Variants in SNTG1 observed in about 807,000 individuals in gnomAD.
SNTG1 encodes the protein gamma-1-syntrophin.
Under a neutral mutation model 74.7 loss-of-function variants are expected in SNTG1, and 39 were observed. The ratio of observed to expected loss-of-function variants is 0.52; its 90% CI spans 0.40 to 0.68. SNTG1 has a LOEUF of 0.68. SNTG1 is among the 30% of genes least tolerant of loss of function. The pLI, the probability that SNTG1 is intolerant of heterozygous loss-of-function variation, is 0.00. For missense variants in SNTG1, 685 were observed against 609.5 expected, an observed-to-expected ratio of 1.12 and a Z score of -1.30; for synonymous variants, 254 against 217.1, an observed-to-expected ratio of 1.17 and a Z score of -1.49.
At chr8:50,208,993 T>A (rs2084380978) in intron 2 of SNTG1, among the ~76,000 whole-genome samples, 1 of 152,100 alleles carries the variant, frequency 6.6e-6, no homozygotes, top group Non-Finnish European at 1.5e-5. Context: ...CAAGGGAAGC[T>A]GTGACAGATG....
chr8:50,610,552 C>G (rs1313489134), intron 13 of SNTG1, among the ~76,000 whole-genome samples: 1 of 152,192 alleles, frequency 6.6e-6, no homozygotes, highest in African/African-American at 2.4e-5. Context: ...AGCATCACAA[C>G]TGCACTGTAC....
At chr8:50,422,794 C>T (rs2093110213) in intron 4 of SNTG1, among the ~76,000 whole-genome samples, 1 of 152,158 alleles carries the variant, frequency 6.6e-6, no homozygotes, top group South Asian at 2.1e-4. Context: ...GCAGGAATGG[C>T]TAGCAGTTGT....
intron 12 of SNTG1, among the ~76,000 whole-genome samples, chr8:50,578,945 G>A (rs748086045): frequency 6.6e-6 from 1 of 152,176 alleles, no homozygotes; most frequent in East Asian, 1.9e-4. Flanking sequence ...AAATGTGGAA[G>A]TGACTTGGGA....
chr8:50,252,239 A>C (rs998643632), intron 2 of SNTG1, among the ~76,000 whole-genome samples: 2 of 152,150 alleles, frequency 1.3e-5, no homozygotes, highest in African/African-American at 2.4e-5. Context: ...ATAGCAATAA[A>C]CATCTACATC....
At chr8:50,656,141 C>CT (rs2095178995) in intron 13 of SNTG1, among the ~76,000 whole-genome samples, 1 of 152,014 alleles carries the variant, frequency 6.6e-6, no homozygotes, top group African/African-American at 2.4e-5. Flanking sequence ...TATCCTCCCG[C>CT]ACAGAGTTGT....
At chr8:50,141,935 C>T (rs1028732679) in intron 1 of SNTG1, among the ~76,000 whole-genome samples, 4 of 152,044 alleles carry the variant, frequency 2.6e-5, no homozygotes, top group African/African-American at 9.7e-5. Context: ...TCATCCTTTA[C>T]AATGGCATAT....
At chr8:50,386,378 A>G (rs1238270421) in intron 2 of SNTG1, among the ~76,000 whole-genome samples, 1 of 151,854 alleles carries the variant, frequency 6.6e-6, no homozygotes, top group African/African-American at 2.4e-5. Flanking sequence ...CCCTTCTTTA[A>G]TTCATATTTA....
At chr8:50,413,728 C>T (rs1474282093) in intron 4 of SNTG1, among the ~76,000 whole-genome samples, 1 of 152,136 alleles carries the variant, frequency 6.6e-6, no homozygotes, top group Non-Finnish European at 1.5e-5. Context: ...TCCCTGGATT[C>T]TCCATTTTCT....
At chr8:50,354,016 CCTATCTAGA>C (rs1268252976) in intron 2 of SNTG1, among the ~76,000 whole-genome samples, 24 of 152,134 alleles carry the variant, frequency 1.6e-4, no homozygotes, top group Non-Finnish European at 3.5e-4. Context: ...AGGGAGTTTC[CCTATCTAGA>C]AAGGGCAGAC....
chr8:50,309,572 G>C (rs2090030400), intron 2 of SNTG1, among the ~76,000 whole-genome samples: 4 of 152,106 alleles, frequency 2.6e-5, no homozygotes, highest in Admixed American at 2.6e-4. Flanking sequence ...ATTAATTTAG[G>C]GCAAATTGAT....
chr8:50,285,565 CT>C (rs2130488107), intron 2 of SNTG1, among the ~76,000 whole-genome samples: 1 of 152,206 alleles, frequency 6.6e-6, no homozygotes, highest in Non-Finnish European at 1.5e-5. Flanking sequence ...TGAAAGTAAG[CT>C]GCATATATCA....
At chr8:50,063,233 A>G (rs1187358511) in intron 1 of SNTG1, among the ~76,000 whole-genome samples, 5 of 152,254 alleles carry the variant, frequency 3.3e-5, no homozygotes, top group African/African-American at 1.2e-4. Flanking sequence ...AGAAGTTGGA[A>G]CACAATAACA....
Position 50,150,099 on chromosome 8 carries a change from G to A in SNTG1, c.-102-22462G>A, listed in dbSNP as rs565184769. ...AGTGGTTTGTAGTTCTCCTTGAAGA[G>A]GTCCTTCACATCCCTTGTAAGTTGG... On this transcript the variant is annotated intron_variant, in intron 1 of 18. Coordinates refer to ENST00000642720, the MANE Select transcript of SNTG1 (RefSeq NM_018967.5). Among the ~76,000 whole-genome samples, 15 of 152,160 alleles carry A rather than the reference G, an allele frequency of 9.9e-5. No homozygotes were observed. The South Asian group carries it at 3.1e-3, about 32-fold the overall frequency.
At chr8:49,943,478 G>A (rs1808881167) in intron 1 of SNTG1, among the ~76,000 whole-genome samples, 1 of 152,222 alleles carries the variant, frequency 6.6e-6, no homozygotes, top group South Asian at 2.1e-4. Flanking sequence ...AGAACAAAGA[G>A]GAACAGAATA....
intron 2 of SNTG1, among the ~76,000 whole-genome samples, chr8:50,207,042 C>G (rs562136948): frequency 1.3e-5 from 2 of 152,196 alleles, no homozygotes; most frequent in East Asian, 3.9e-4. Context: ...TTTGTTGTGT[C>G]TCTGCCAGCC....
At chr8:50,511,117 C>T (rs2094069027) in intron 9 of SNTG1, among the ~76,000 whole-genome samples, 1 of 152,188 alleles carries the variant, frequency 6.6e-6, no homozygotes, top group Non-Finnish European at 1.5e-5. Context: ...CATGTTGTGT[C>T]TTTCTTCTCA....
intron 2 of SNTG1, among the ~76,000 whole-genome samples, chr8:50,245,181 A>T (rs1434214449): frequency 6.6e-6 from 1 of 152,188 alleles, no homozygotes; most frequent in Non-Finnish European, 1.5e-5. Flanking sequence ...AGAAGTTAAC[A>T]GACTAAATGA....
intron 1 of SNTG1, among the ~76,000 whole-genome samples, chr8:49,977,876 C>G (rs565515991): frequency 2.0e-5 from 3 of 152,334 alleles, no homozygotes; most frequent in African/African-American, 7.2e-5. Context: ...ACCACAAACA[C>G]TGCTTGGGCG....
In SNTG1 at chr8:50,656,947, C is replaced by T. The variant is rs779227339; in HGVS notation, c.888C>T (p.Asp296=). The part of the protein sequence containing the change: ...YMGWCEAREQ[D]PLQDRVYSPT... ...GCTGGTGTGAAGCCCGGGAGCAAGA[C>T]CCCCTCCAGGACAGAGTGTACTCCC... is the stretch of plus-strand genomic sequence containing the variant. Residue 296 remains aspartate (D), a synonymous_variant, in exon 14 of 19, where the codon GAC becomes GAT. Transcript: ENST00000642720. 3 of 1,604,062 alleles carry T rather than the reference C, an allele frequency of 1.9e-6. No individual in the cohort carries two copies. The South Asian group carries it at 3.3e-5, about 18-fold the overall frequency.
Sources: allele counts gnomAD v4.1 joint callset (sites outside exome capture counted in the v4.1 genomes callset), GRCh38; gene constraint gnomAD v4.1.1; transcripts MANE v1.5; gene names NCBI Gene and HGNC (gene_info 2026-07-23, HGNC 2026-07-21).